Variants in CELF2 observed in about 807,000 individuals in gnomAD.
The protein encoded by CELF2 is CUGBP Elav-like family member 2, also known as CUG triplet repeat RNA-binding protein 2.
CELF2 carries 8 observed loss-of-function variants against 62.6 expected under a neutral mutation model. That is an observed-to-expected ratio of 0.13 (90% confidence interval 0.07 to 0.23). CELF2 has a LOEUF of 0.23. Among genes scored for constraint, CELF2 ranks in the 10% least tolerant of loss-of-function variants. The pLI, the probability that CELF2 is intolerant of heterozygous loss-of-function variation, is 1.00. For synonymous variants in CELF2, 258 were observed against 250.0 expected, an observed-to-expected ratio of 1.03 and a Z score of -0.30; for missense variants, 333 against 671.0, an observed-to-expected ratio of 0.50 and a Z score of 5.56.
chr10:10,718,414 G>A, the CELF2 span, among the ~76,000 whole-genome samples: 7,113 of 151,984 alleles, frequency 0.047, 379 homozygotes, highest in African/African-American at 0.13. Flanking sequence ...ACCTGAGGTC[G>A]GGAGTTCGAG....
intron 1 of CELF2, among the ~76,000 whole-genome samples, chr10:11,042,813 C>T (rs895488757): frequency 1.3e-5 from 2 of 152,108 alleles, no homozygotes; most frequent in African/African-American, 4.8e-5. Context: ...TTGTGTCTGG[C>T]TTTTGTTTAA....
chr10:10,798,753 G>A (rs2054329982), exon 1 of CELF2: 3 of 398,666 alleles, frequency 7.5e-6, no homozygotes, highest in Non-Finnish European at 1.3e-5. Flanking sequence ...GCCCTCAGCC[G>A]GCTCCTAGAC....
At chr10:11,288,371 G>T in intron 8 of CELF2, 47 bp from the exon 9 acceptor site, 2 of 1,606,494 alleles carry the variant, frequency 1.2e-6, no homozygotes, top group Non-Finnish European at 8.5e-7. Flanking sequence ...GGAAACTGTA[G>T]AAGTGTGAGG....
chr10:10,926,720 C>T (rs2065504870), intron 2 of CELF2, among the ~76,000 whole-genome samples: 1 of 152,154 alleles, frequency 6.6e-6, no homozygotes, highest in South Asian at 2.1e-4. Context: ...TTCTGGTATT[C>T]TCAGCCTTTG....
chr10:10,816,573 G>C (rs371438219), intron 1 of CELF2, among the ~76,000 whole-genome samples: 2 of 152,168 alleles, frequency 1.3e-5, no homozygotes, highest in Admixed American at 6.5e-5. Flanking sequence ...AGAGGAATAC[G>C]TGGAAAATTA....
At chr10:11,256,261 C>A (rs918681894) in intron 4 of CELF2, among the ~76,000 whole-genome samples, 1 of 152,338 alleles carries the variant, frequency 6.6e-6, no homozygotes, top group Admixed American at 6.5e-5. Context: ...GTTTCTGTGT[C>A]AACAGCACTG....
chr10:10,691,907 G>T, the CELF2 span, among the ~76,000 whole-genome samples: 4 of 150,456 alleles, frequency 2.7e-5, no homozygotes, highest in East Asian at 2.0e-4. Flanking sequence ...CTGGATATTA[G>T]CCCTTTGTCA....
chr10:10,823,222 T>C (rs1000029926), intron 1 of CELF2, among the ~76,000 whole-genome samples: 19 of 152,240 alleles, frequency 1.2e-4, no homozygotes, highest in African/African-American at 4.1e-4. Flanking sequence ...CTTCTAGTGC[T>C]CTAGTTATAA....
rs207470693 is a variant in CELF2, at chr10:11,247,426, G to A, written c.355-1727G>A. 1.3e-5 allele frequency among the ~76,000 whole-genome samples: 2 copies of A among 152,168 alleles called. No homozygotes were observed. The highest frequency in any genetic ancestry group is 4.8e-5 in the African/African-American group (2 of 41,436). ...TCAGTGCTCGCACGTCCAAGGACTC[G>A]GCCCAGATGCAGCCTTGGCTTTCCT... On this transcript the variant is annotated intron_variant, in intron 3 of 12. Transcript: ENST00000633077. This position sits in a 1 kb window ranked among gnomAD's most constrained non-coding sequence, Gnocchi z 5.4.
At chr10:11,091,443 A>G (rs1316039464) in intron 1 of CELF2, among the ~76,000 whole-genome samples, 6 of 152,236 alleles carry the variant, frequency 3.9e-5, no homozygotes, top group Non-Finnish European at 2.9e-5. Context: ...AGGACCTGAA[A>G]GAGATGAGGC....
chr10:11,005,307 G>GC (rs2055043058), upstream of CELF2: 2 of 1,608,672 alleles, frequency 1.2e-6, no homozygotes, highest in African/African-American at 2.7e-5. This position sits in a 1 kb window ranked among gnomAD's most constrained non-coding sequence, Gnocchi z 4.3. Flanking sequence ...AGGAGAGGGC[G>GC]CGTTAGTGAG....
the CELF2 span, among the ~76,000 whole-genome samples, chr10:10,640,539 G>A: frequency 6.6e-6 from 1 of 152,072 alleles, no homozygotes; most frequent in African/African-American, 2.4e-5. Flanking sequence ...CTTCAATAAT[G>A]GTCTGATTCT....
At chr10:10,494,586 C>T in the CELF2 span, among the ~76,000 whole-genome samples, 1 of 152,162 alleles carries the variant, frequency 6.6e-6, no homozygotes, top group Non-Finnish European at 1.5e-5. Context: ...GGAGATTTGA[C>T]ATTTTCTTCC....
At chr10:10,638,464 C>T in the CELF2 span, among the ~76,000 whole-genome samples, 1 of 152,214 alleles carries the variant, frequency 6.6e-6, no homozygotes, top group Non-Finnish European at 1.5e-5. Context: ...CTAGTCCATA[C>T]AGTATCTACT....
intron 1 of CELF2, among the ~76,000 whole-genome samples, chr10:10,883,360 C>T (rs959764162): frequency 6.6e-6 from 1 of 152,158 alleles, no homozygotes; most frequent in African/African-American, 2.4e-5. Context: ...AGAAGTACAG[C>T]ATTTTTCGTG....
the CELF2 span, among the ~76,000 whole-genome samples, chr10:10,783,757 C>T: frequency 2.6e-4 from 39 of 152,196 alleles, no homozygotes; most frequent in South Asian, 2.5e-3. Context: ...GAGGCCAAGG[C>T]GGGCAGATCA....
At position 11,331,511 on chromosome 10, in the gene CELF2, T is replaced by C. The variant is rs1476425293; in HGVS notation, c.*2458T>C. 1 of 152,296 alleles carries C rather than the reference T, an allele frequency of 6.6e-6. No homozygotes were observed. Among genetic ancestry groups the C allele is most frequent in the African/African-American group, 2.4e-5 (1 of 41,362 alleles). The allele number at this position is 152,296 out of a possible 1,614,324, so 9.4% of individuals were successfully genotyped here. Reference sequence around the variant, plus strand: ...AATATATAGTGCCAAATTCCAAAGGTACTTCCTTCCTAGAGCTTCAGTGTG... The same window carrying C: ...AATATATAGTGCCAAATTCCAAAGGCACTTCCTTCCTAGAGCTTCAGTGTG... On this transcript the variant is annotated 3_prime_UTR_variant, in exon 13 of 13. Transcript: ENST00000633077.
chr10:10,509,578 A>T, the CELF2 span, among the ~76,000 whole-genome samples: 257 of 152,304 alleles, frequency 1.7e-3, no homozygotes, highest in African/African-American at 5.8e-3. Context: ...TAAGCCACCT[A>T]GTCTATAGTA....
At chr10:10,639,367 A>C in the CELF2 span, among the ~76,000 whole-genome samples, 2 of 152,206 alleles carry the variant, frequency 1.3e-5, no homozygotes, top group Admixed American at 1.3e-4. Flanking sequence ...TGAATATTAA[A>C]AGAGTGGTTG....
Sources: gnomAD v4.1 joint callset for allele counts (sites outside exome capture counted in the v4.1 genomes callset) on GRCh38, gnomAD v4.1.1 for gene constraint, Gnocchi (gnomAD v3.1) non-coding constraint, MANE v1.5 for transcripts, NCBI Gene and HGNC (gene_info 2026-07-23, HGNC 2026-07-21) for gene names.